Variants in SLC25A10 observed in about 807,000 individuals in gnomAD.
SLC25A10 encodes mitochondrial dicarboxylate carrier.
Under a neutral mutation model 40.4 loss-of-function variants are expected in SLC25A10, and 32 were observed. That is an observed-to-expected ratio of 0.79 (90% CI 0.60 to 1.06). The LOEUF (loss-of-function observed/expected upper bound fraction) is 1.06. Ranked by LOEUF, SLC25A10 falls within the 50% of genes least tolerant of loss-of-function variation. SLC25A10 has a pLI of 0.00. For synonymous variants in SLC25A10, 181 were observed against 171.1 expected, an observed-to-expected ratio of 1.06 and a Z score of -0.45; for missense variants, 394 against 402.6, an observed-to-expected ratio of 0.98 and a Z score of 0.18.
chr17:81,717,812 C>A lies in SLC25A10; in HGVS notation c.656C>A (p.Pro219His), dbSNP rs1216974147. ...AGGCATFLCQ[P>H]LDVLKTRLMN... is the part of the protein sequence containing the mutation. ...GGATGTGCCACGTTCCTGTGCCAGCCCCTGGATGTGCTGAAGACTCGCCTG... is the reference window on the plus strand; with the variant it reads ...GGATGTGCCACGTTCCTGTGCCAGCACCTGGATGTGCTGAAGACTCGCCTG... The change falls in exon 9 of 11, where the codon CCC (proline) becomes CAC (histidine). Residue 219 changes from proline (P) to histidine (H), a missense_variant. Pro to His is a moderately conservative substitution (Grantham distance 77, BLOSUM62 -2). Transcript: ENST00000350690. 1 of 1,612,132 alleles carries A rather than the reference C, an allele frequency of 6.2e-7. No individual in the cohort carries two copies. The highest frequency in any genetic ancestry group is 1.7e-5 in the Admixed American group (1 of 59,946).
At chr17:81,717,095 G>T in intron 7 of SLC25A10, 23 bp downstream of exon 7, 1 of 1,610,308 alleles carries the variant, frequency 6.2e-7, no homozygotes, top group Non-Finnish European at 8.5e-7. Context: ...CGTGGGGTGG[G>T]TGTGGGCAGT....
At chr17:81,715,822 A>G (rs770996296) in intron 4 of SLC25A10, 81 bp downstream of exon 4, 7 of 1,577,070 alleles carry the variant, frequency 4.4e-6, no homozygotes, top group Non-Finnish European at 6.1e-6. Context: ...GGCTGCTTGC[A>G]GGGTGGGGTC....
chr17:81,717,436 G>A lies in SLC25A10; in HGVS notation c.572G>A (p.Ser191Asn), dbSNP rs2037509398. The change falls in exon 8 of 11, where the codon AGC becomes AAC. Residue 191 changes from serine to asparagine, a missense_variant. By Grantham distance (46) the Ser-to-Asn change is conservative. Transcript: ENST00000350690. ...CYDQAKQLVL[S>N]TGYLSDNIFT... ...GACCAGGCCAAGCAGCTGGTCCTTAGCACCGGGTACCTCTCTGACAACATC... is the reference window on the plus strand; with the variant it reads ...GACCAGGCCAAGCAGCTGGTCCTTAACACCGGGTACCTCTCTGACAACATC... 1 of 1,613,644 alleles carries A rather than the reference G, an allele frequency of 6.2e-7. No individual in the cohort carries two copies. The highest frequency in any genetic ancestry group is 8.5e-7 in the Non-Finnish European group (1 of 1,179,928).
chr17:81,713,743 G>A (rs1190886802), intron 1 of SLC25A10, among the ~76,000 whole-genome samples: 1 of 152,256 alleles, frequency 6.6e-6, no homozygotes, highest in African/African-American at 2.4e-5. Flanking sequence ...GGGTGTTGAA[G>A]GCGGGACCTG....
chr17:81,717,716 C>T lies in SLC25A10; in HGVS notation c.628-68C>T, dbSNP rs558173781. 1.6e-4 allele frequency: 240 copies of T among 1,547,312 alleles called. No individual in the cohort carries two copies. The African/African-American group carries it at 2.8e-3, about 18-fold the overall frequency. On this transcript the variant is annotated intron_variant, in intron 8 of 10. Coordinates refer to ENST00000350690, the MANE Select transcript of SLC25A10 (RefSeq NM_012140.5). ...TAGGAGTCAGGTGGAGGTTCTGGCA[C>T]GTGGGTGGGATTCGGCGATGGTGCC...
chr17:81,718,818 G>C (rs182719297), intron 9 of SLC25A10, among the ~76,000 whole-genome samples: 1 of 149,360 alleles, frequency 6.7e-6, no homozygotes, highest in Non-Finnish European at 1.5e-5. Flanking sequence ...GCCTGGTGGC[G>C]CACGCCTGTA....
chr17:81,715,691 A>T lies in SLC25A10; in HGVS notation c.329-2A>T, dbSNP rs751393622. 2 of 1,613,158 alleles carry T rather than the reference A, an allele frequency of 1.2e-6. No individual in the cohort carries two copies. The highest frequency in any genetic ancestry group is 2.7e-5 in the African/African-American group (2 of 74,896). ...TCATCTCTGGGGTTTGTGTCACCGC[A>T]GGTTTAGCTGGAGGCTTCGTGGGGA... On this transcript the variant is annotated splice_acceptor_variant, in intron 3 of 10. Transcript: ENST00000350690. LOFTEE classifies it high-confidence loss of function.
rs770152150 is a variant in SLC25A10 at position 81,715,610 on chromosome 17, A to AG, written c.328+23dup. On this transcript the variant is annotated intron_variant, in intron 3 of 10. Transcript: ENST00000350690. ...CGTCAGCGGTGAGCTGCCGGGCGGG[A>AG]GGGGGAGGGGCGCGGGGTGGTCAGG... is the stretch of plus-strand genomic sequence containing the variant. The AG allele has an allele frequency of 2.0e-6, 3 of 1,480,812 alleles. No homozygotes were observed. The highest frequency in any genetic ancestry group is 1.7e-5 in the Admixed American group (1 of 58,752). The allele number at this position is 1,480,812 out of a possible 1,614,324, so 91.7% of individuals were successfully genotyped here.
At chr17:81,719,148 G>T (rs2037543172) in intron 9 of SLC25A10, among the ~76,000 whole-genome samples, 1 of 151,496 alleles carries the variant, frequency 6.6e-6, no homozygotes, top group African/African-American at 2.4e-5. Flanking sequence ...GGCCAGGCTG[G>T]TCTTGAACTC....
chr17:81,717,196 T>C, intron 7 of SLC25A10, 124 bp downstream of exon 7: 2 of 1,134,860 alleles, frequency 1.8e-6, no homozygotes, highest in East Asian at 2.5e-5. Context: ...GCTGTGACCT[T>C]GTGGGGCAGG....
At chr17:81,713,692 G>T (rs886359079) in intron 1 of SLC25A10, among the ~76,000 whole-genome samples, 2 of 152,198 alleles carry the variant, frequency 1.3e-5, no homozygotes, top group Non-Finnish European at 2.9e-5. Flanking sequence ...CCTGGGCGCC[G>T]CACAGGTGCC....
Position 81,712,439 on chromosome 17 carries a change from GCGCGCGTGT to G in SLC25A10, c.19_27del (p.Val7_Arg9del). The G allele has an allele frequency of 7.7e-7, 1 of 1,305,632 alleles. No homozygotes were observed. Among genetic ancestry groups the G allele is most frequent in the Non-Finnish European group, 9.7e-7 (1 of 1,028,768 alleles). The allele number at this position is 1,305,632 out of a possible 1,614,324, so 80.9% of individuals were successfully genotyped here. ...GCTCTCCTGGGCCATGGCAGCCGAG[GCGCGCGTGT>G]CGCGCTGGTACTTCGGGGGGCTGGC... On this transcript the variant is annotated inframe_deletion, in exon 1 of 11. Coordinates refer to ENST00000350690, the MANE Select transcript of SLC25A10 (RefSeq NM_012140.5).
Position 81,720,583 on chromosome 17 carries a change from G to T in SLC25A10, c.*506G>T, listed in dbSNP as rs372948956. 7 of 1,188,060 alleles carry T rather than the reference G, an allele frequency of 5.9e-6. No homozygotes were observed. The highest frequency in any genetic ancestry group is 1.6e-5 in the African/African-American group (1 of 63,686). The allele number at this position is 1,188,060 out of a possible 1,614,324, so 73.6% of individuals were successfully genotyped here. A position where few individuals can be genotyped will look rare whatever the true frequency, so the allele number is the denominator to read the frequency against. On this transcript the variant is annotated 3_prime_UTR_variant, in exon 11 of 11. Transcript: ENST00000350690. The stretch of plus-strand genomic sequence containing the variant: ...TGTCCTCGGGCAGCTGCAACTCCCC[G>T]CGAGACCCCGCAGCTGGGTGGGATG...
chr17:81,717,781 C>A lies in SLC25A10; in HGVS notation c.628-3C>A. On this transcript the variant is annotated splice_region_variant and splice_polypyrimidine_tract_variant and intron_variant, in intron 8 of 10. Coordinates refer to ENST00000350690, the MANE Select transcript of SLC25A10 (RefSeq NM_012140.5). Reference sequence around the variant, plus strand: ...GGCCGCTGGTGACGAGCCCCCTCCTCAGGGTGGATGTGCCACGTTCCTGTG... The same window carrying A: ...GGCCGCTGGTGACGAGCCCCCTCCTAAGGGTGGATGTGCCACGTTCCTGTG... 1 of 1,611,180 alleles carries A rather than the reference C, an allele frequency of 6.2e-7. No individual in the cohort carries two copies. Among genetic ancestry groups the A allele is most frequent in the Middle Eastern group, 1.8e-4 (1 of 5,670 alleles).
chr17:81,714,140 G>A (rs919482009), intron 1 of SLC25A10, among the ~76,000 whole-genome samples: 4 of 152,184 alleles, frequency 2.6e-5, no homozygotes, highest in Non-Finnish European at 4.4e-5. Context: ...CTGGGCGTGC[G>A]TTACGGGGCC....
In SLC25A10 at chr17:81,717,451, C is replaced by G; in HGVS notation, c.587C>G (p.Ser196Cys). 2 of 1,613,684 alleles carry G rather than the reference C, an allele frequency of 1.2e-6. No homozygotes were observed. Among genetic ancestry groups the G allele is most frequent in the Non-Finnish European group, 1.7e-6 (2 of 1,179,932 alleles). Residue 196 changes from serine (S) to cysteine (C), a missense_variant, in exon 8 of 11, where the codon TCT becomes TGT. Coordinates refer to ENST00000350690, the MANE Select transcript of SLC25A10 (RefSeq NM_012140.5). ...KQLVLSTGYLSDNIFTHFVAS... is the reference protein window; with the variant it reads ...KQLVLSTGYLCDNIFTHFVAS... ...CTGGTCCTTAGCACCGGGTACCTCT[C>G]TGACAACATCTTCACTCACTTTGTC...
chr17:81,717,579 C>CG, intron 8 of SLC25A10, 88 bp downstream of exon 8: 1 of 1,489,722 alleles, frequency 6.7e-7, no homozygotes, highest in Non-Finnish European at 9.3e-7. Context: ...CTGGGGGAGG[C>CG]GGGGGCCTTG....
chr17:81,720,685 G>T lies in SLC25A10; in HGVS notation c.*608G>T, dbSNP rs927004224. ...GGTTCTGGAGCCATTGTGGGTGAGG[G>T]TCGAGGGCCACCGAGGTCCCGCGCA... is the stretch of plus-strand genomic sequence containing the variant. On this transcript the variant is annotated 3_prime_UTR_variant, in exon 11 of 11. Coordinates refer to ENST00000350690, the MANE Select transcript of SLC25A10 (RefSeq NM_012140.5). The T allele has an allele frequency of 2.1e-6, 1 of 473,696 alleles. No homozygotes were observed. The allele number at this position is 473,696 out of a possible 1,614,324, so 29.3% of individuals were successfully genotyped here.
rs1453816023 is a variant in SLC25A10, at chr17:81,717,786, T to G, written c.630T>G (p.Gly210=). 4 of 1,611,094 alleles carry G rather than the reference T, an allele frequency of 2.5e-6. No individual in the cohort carries two copies. Among genetic ancestry groups the G allele is most frequent in the Non-Finnish European group, 1.7e-6 (2 of 1,179,420 alleles). The change falls in exon 9 of 11, where the codon GGT becomes GGG. Residue 210 remains glycine (G), a splice_region_variant and synonymous_variant. Transcript: ENST00000350690. ...FTHFVASFIA[G]GCATFLCQPL... ...CTGGTGACGAGCCCCCTCCTCAGGG[T>G]GGATGTGCCACGTTCCTGTGCCAGC...
Sources: allele counts gnomAD v4.1 joint callset (sites outside exome capture counted in the v4.1 genomes callset), GRCh38; gene constraint gnomAD v4.1.1; transcripts MANE v1.5; gene names NCBI Gene and HGNC (gene_info 2026-07-23, HGNC 2026-07-21).